Variants in PDLIM4 observed in about 807,000 individuals in gnomAD.
PDLIM4 encodes PDZ and LIM domain protein 4.
PDLIM4 carries 19 observed loss-of-function variants against 31.3 expected under a neutral mutation model. The ratio of observed to expected loss-of-function variants is 0.61; its 90% CI spans 0.42 to 0.89. PDLIM4 has a LOEUF of 0.89. Among genes scored for constraint, PDLIM4 ranks in the 40% least tolerant of loss-of-function variants. PDLIM4 has a pLI of 0.00. For synonymous variants in PDLIM4, 176 were observed against 190.1 expected (o/e 0.93, Z 0.61); for missense variants, 442 against 461.1 (o/e 0.96, Z 0.38).
intron 3 of PDLIM4, 93 bp downstream of exon 3, chr5:132,266,638 C>T (rs1756498481): frequency 2.6e-6 from 2 of 760,476 alleles, no homozygotes; most frequent in Non-Finnish European, 4.3e-6. Context: ...AATGTCCTCA[C>T]TGGGGCTCTC....
chr5:132,260,887 A>G (rs1485497806), intron 1 of PDLIM4, among the ~76,000 whole-genome samples: 1 of 152,202 alleles, frequency 6.6e-6, no homozygotes, highest in African/African-American at 2.4e-5. Flanking sequence ...CCCAGCCACC[A>G]CTGCTTTCAA....
chr5:132,266,387 A>C (rs1756492921), intron 2 of PDLIM4, 77 bp from the exon 3 acceptor site: 2 of 942,074 alleles, frequency 2.1e-6, no homozygotes, highest in African/African-American at 3.2e-5. Flanking sequence ...CCCAGAGCCC[A>C]GCCCCTCTTG....
rs762378973 is a variant in PDLIM4, at chr5:132,271,445, A to G, written c.649A>G (p.Met217Val). The change falls in exon 5 of 7, where the codon ATG becomes GTG. Residue 217 changes from methionine to valine, a missense_variant. Coordinates refer to ENST00000253754, the MANE Select transcript of PDLIM4 (RefSeq NM_003687.4). ...QSGSFRYLQG[M>V]LEAGEGGDWP... ...AGGCTCCTTCCGCTACTTGCAGGGCATGCTAGAGGCCGGCGAGGGCGGTAA... is the reference window on the plus strand; with the variant it reads ...AGGCTCCTTCCGCTACTTGCAGGGCGTGCTAGAGGCCGGCGAGGGCGGTAA... 1.9e-6 allele frequency: 3 copies of G among 1,609,164 alleles called. No individual in the cohort carries two copies. Among genetic ancestry groups the G allele is most frequent in the East Asian group, 2.2e-5 (1 of 44,858 alleles).
intron 5 of PDLIM4, 35 bp from the exon 6 acceptor site, chr5:132,271,756 C>A (rs765953226): frequency 1.4e-6 from 2 of 1,402,654 alleles, no homozygotes; most frequent in African/African-American, 1.4e-5. Flanking sequence ...CTGACCTCCT[C>A]ACCCCGTTCA....
intron 5 of PDLIM4, 24 bp from the exon 6 acceptor site, chr5:132,271,767 T>G: frequency 6.7e-7 from 1 of 1,499,722 alleles, no homozygotes; most frequent in Non-Finnish European, 9.3e-7. Flanking sequence ...ACCCCGTTCA[T>G]GCCACCTACG....
chr5:132,264,744 G>A (rs1291071902), intron 2 of PDLIM4, among the ~76,000 whole-genome samples: 2 of 151,216 alleles, frequency 1.3e-5, no homozygotes, highest in Non-Finnish European at 2.9e-5. Flanking sequence ...GGCCCCCAAC[G>A]ACACTCCTCC....
intron 1 of PDLIM4, among the ~76,000 whole-genome samples, chr5:132,260,683 A>C (rs2126670843): frequency 6.6e-6 from 1 of 152,340 alleles, no homozygotes; most frequent in East Asian, 1.9e-4. Context: ...GCCTGGATTG[A>C]AATCTTGATT....
chr5:132,271,855 G>T lies in PDLIM4; in HGVS notation c.735G>T (p.Pro245=), dbSNP rs750840954. ...LKPTASKLGA[P]LSGLQGLPEC... is the part of the protein sequence containing the mutation. ...CCACGGCCAGCAAGCTGGGCGCTCCGCTGAGCGGCCTGCAGGGGCTGCCCG... is the reference window on the plus strand; with the variant it reads ...CCACGGCCAGCAAGCTGGGCGCTCCTCTGAGCGGCCTGCAGGGGCTGCCCG... The change falls in exon 6 of 7, where the codon CCG becomes CCT. Residue 245 remains proline (P), a synonymous_variant. Transcript: ENST00000253754. The T allele has an allele frequency of 3.1e-6, 5 of 1,612,184 alleles. No homozygotes were observed. The East Asian group carries it at 1.1e-4, about 36-fold the overall frequency.
chr5:132,262,388 T>A (rs1756393306), intron 1 of PDLIM4, among the ~76,000 whole-genome samples: 1 of 152,192 alleles, frequency 6.6e-6, no homozygotes. Flanking sequence ...TATATCCTCA[T>A]GCCCTGCCAG....
At chr5:132,268,404 C>T (rs115448067) in intron 3 of PDLIM4, among the ~76,000 whole-genome samples, 5 of 152,292 alleles carry the variant, frequency 3.3e-5, no homozygotes, top group African/African-American at 1.2e-4. Context: ...GAGGAGGAAA[C>T]CACAGTTGGC....
rs767362234 is a variant in PDLIM4 at position 132,271,394 on chromosome 5, C to CCCGTGG, written c.602_607dup (p.Val201_Ala202dup). On this transcript the variant is annotated inframe_insertion, in exon 5 of 7. Transcript: ENST00000253754. ...CAGGATGCTGCGGGAGCCAGCCGAG[C>CCCGTGG]CCGTGGCCGCGGAGCCCAAGCAGTC... The CCCGTGG allele has an allele frequency of 1.5e-5, 24 of 1,607,834 alleles. No individual in the cohort carries two copies. The highest frequency in any genetic ancestry group is 1.9e-5 in the Non-Finnish European group (22 of 1,179,666).
chr5:132,269,766 C>T (rs940359727), intron 3 of PDLIM4, among the ~76,000 whole-genome samples: 5 of 152,160 alleles, frequency 3.3e-5, no homozygotes, highest in African/African-American at 4.8e-5. Context: ...GAGGTTTACA[C>T]GTCACTCCCA....
intron 1 of PDLIM4, among the ~76,000 whole-genome samples, chr5:132,261,782 A>G (rs1418963024): frequency 2.6e-5 from 4 of 152,196 alleles, no homozygotes; most frequent in Non-Finnish European, 4.4e-5. Flanking sequence ...AAGTAGAGGT[A>G]GAATTCTGAC....
chr5:132,269,137 C>T (rs965110745), intron 3 of PDLIM4, among the ~76,000 whole-genome samples: 2 of 152,088 alleles, frequency 1.3e-5, no homozygotes, highest in Non-Finnish European at 2.9e-5. Context: ...GGGACTCAAA[C>T]TAAAACTGAG....
At position 132,271,284 on chromosome 5, in the gene PDLIM4, ATTTC is replaced by A; in HGVS notation, c.507-13_507-10del. 1 of 1,581,824 alleles carries A rather than the reference ATTTC, an allele frequency of 6.3e-7. No individual in the cohort carries two copies. The highest frequency in any genetic ancestry group is 8.6e-7 in the Non-Finnish European group (1 of 1,163,842). On this transcript the variant is annotated splice_polypyrimidine_tract_variant and intron_variant, in intron 4 of 6. Transcript: ENST00000253754. ...CTGGAACTGCATCCCTTCCTCCTCT[ATTTC>A]TTTCTCCCTCCCAGCGCTGACCCAG...
intron 3 of PDLIM4, among the ~76,000 whole-genome samples, chr5:132,269,341 G>A (rs1314542462): frequency 6.6e-6 from 1 of 151,614 alleles, no homozygotes; most frequent in Non-Finnish European, 1.5e-5. Context: ...CTGCCCGGAG[G>A]CTGAGCCCCA....
At chr5:132,271,961 G>T in intron 6 of PDLIM4, 53 bp downstream of exon 6, 6 of 1,593,914 alleles carry the variant, frequency 3.8e-6, no homozygotes, top group Non-Finnish European at 5.2e-6. Context: ...CAGGGCCCTG[G>T]ATGCGGGCGC....
chr5:132,265,589 C>A lies in PDLIM4; in HGVS notation c.246-875C>A, dbSNP rs535851007. Among the ~76,000 whole-genome samples, 4 of 152,306 alleles carry A rather than the reference C, an allele frequency of 2.6e-5. No individual in the cohort carries two copies. In the South Asian group the frequency reaches 8.3e-4, roughly 32 times the overall value. On this transcript the variant is annotated intron_variant, in intron 2 of 6. Coordinates refer to ENST00000253754, the MANE Select transcript of PDLIM4 (RefSeq NM_003687.4). ...CATAGGCATAGATAGATTATTAAAACCCTCAACTGAAGGGGGCAGAAGAGG... is the reference window on the plus strand; with the variant it reads ...CATAGGCATAGATAGATTATTAAAAACCTCAACTGAAGGGGGCAGAAGAGG...
chr5:132,260,539 C>G (rs149645058), intron 1 of PDLIM4, among the ~76,000 whole-genome samples: 8 of 152,310 alleles, frequency 5.3e-5, no homozygotes, highest in Non-Finnish European at 8.8e-5. Context: ...TTCTTTCTCT[C>G]CAGATATGCC....
Sources: gnomAD v4.1 joint callset for allele counts (sites outside exome capture counted in the v4.1 genomes callset) on GRCh38, gnomAD v4.1.1 for gene constraint, MANE v1.5 for transcripts, NCBI Gene and HGNC (gene_info 2026-07-23, HGNC 2026-07-21) for gene names.